PIWIL2: variants seen among roughly 807,000 people sequenced by gnomAD.
PIWIL2 encodes piwi-like protein 2.
A neutral mutation model predicts 116.5 loss-of-function variants in PIWIL2; 81 were observed. That is an observed-to-expected ratio of 0.70 (90% CI 0.58 to 0.84). PIWIL2 has a LOEUF of 0.84. Among genes scored for constraint, PIWIL2 ranks in the 40% least tolerant of loss-of-function variants. The probability of loss-of-function intolerance (pLI) is 0.00; values close to 1 mark genes in which losing one functional copy is unlikely to be tolerated. For synonymous variants in PIWIL2, 489 were observed against 429.5 expected, an observed-to-expected ratio of 1.14 and a Z score of -1.71; for missense variants, 1,272 against 1,212.3, an observed-to-expected ratio of 1.05 and a Z score of -0.73.
intron 10 of PIWIL2, among the ~76,000 whole-genome samples, chr8:22,294,644 CAAAAAAAAAAA>C (rs897494985): frequency 1.3e-4 from 4 of 29,904 alleles, no homozygotes; most frequent in South Asian, 2.5e-3. Context: ...GACTCTGTCT[CAAAAAAAAAAA>C]AAAAAAAAAA....
At chr8:22,344,065 G>T (rs1241153865) in intron 20 of PIWIL2, among the ~76,000 whole-genome samples, 1 of 152,220 alleles carries the variant, frequency 6.6e-6, no homozygotes, top group Non-Finnish European at 1.5e-5. Context: ...AAGCCATTAA[G>T]CCATGAAAAG....
At chr8:22,276,603 C>G (rs764134591) in intron 1 of PIWIL2, among the ~76,000 whole-genome samples, 1 of 152,122 alleles carries the variant, frequency 6.6e-6, no homozygotes, top group Non-Finnish European at 1.5e-5. Context: ...CGCGAGCCAC[C>G]ACCCCCGGCC....
Position 22,323,485 on chromosome 8 carries a change from T to C in PIWIL2, c.2403+5210T>C, listed in dbSNP as rs7825949. ...GACCTCGTGATCCACCCACTTCAGC[T>C]TCCCAAAGTGCTGGGATTATAGGCG... On this transcript the variant is annotated intron_variant, in intron 20 of 22. Coordinates refer to ENST00000356766, the MANE Select transcript of PIWIL2 (RefSeq NM_018068.5). 4.2e-4 allele frequency among the ~76,000 whole-genome samples: 64 copies of C among 152,154 alleles called. 1 individual carries two copies. The highest frequency in any genetic ancestry group is 1.5e-3 in the African/African-American group (64 of 41,532).
chr8:22,316,101 T>G, intron 18 of PIWIL2, 144 bp from the exon 19 acceptor site: 1 of 594,344 alleles, frequency 1.7e-6, no homozygotes, highest in Non-Finnish European at 3.0e-6. Context: ...TCAAGTTGAT[T>G]GTCTTTTTTT....
intron 20 of PIWIL2, among the ~76,000 whole-genome samples, chr8:22,338,650 T>G (rs183951256): frequency 9.9e-5 from 15 of 151,902 alleles, no homozygotes; most frequent in Non-Finnish European, 2.1e-4. Context: ...CAACATCACG[T>G]CACTGCACTC....
In PIWIL2 at chr8:22,355,406, A is replaced by T; in HGVS notation, c.2823A>T (p.Pro941=). Residue 941 remains proline (P), a synonymous_variant, in exon 23 of 23, where the codon CCA becomes CCT. Transcript: ENST00000356766. ...YWNWPGTIRV[P]APCKYAHKLA... ...ATTGGCCTGGCACCATCAGAGTTCC[A>T]GCTCCTTGCAAGTATGCCCACAAGC... 6.2e-7 allele frequency: 1 copy of T among 1,614,168 alleles called. No individual in the cohort carries two copies. Among genetic ancestry groups the T allele is most frequent in the Non-Finnish European group, 8.5e-7 (1 of 1,180,004 alleles).
chr8:22,321,297 G>A (rs765596587), intron 20 of PIWIL2, among the ~76,000 whole-genome samples: 2 of 151,786 alleles, frequency 1.3e-5, no homozygotes, highest in Non-Finnish European at 2.9e-5. Flanking sequence ...ATTTTTAGTA[G>A]AAATGAGGTG....
intron 20 of PIWIL2, among the ~76,000 whole-genome samples, chr8:22,320,842 C>G (rs1345152186): frequency 6.6e-6 from 1 of 152,194 alleles, no homozygotes; most frequent in African/African-American, 2.4e-5. Flanking sequence ...ATCCACCCCC[C>G]TCAGCCTCTC....
rs920062694 is a variant in PIWIL2, at chr8:22,355,976, G to A, written c.*471G>A. 1 of 157,530 alleles carries A rather than the reference G, an allele frequency of 6.3e-6. No homozygotes were observed. Among genetic ancestry groups the A allele is most frequent in the Non-Finnish European group, 1.4e-5 (1 of 71,052 alleles). 9.8% of individuals were successfully genotyped at this position (157,530 alleles called of 1,614,324 possible). On this transcript the variant is annotated 3_prime_UTR_variant, in exon 23 of 23. Transcript: ENST00000356766. ...TAGTCCCAGCTACTCAGGAGGCTAA[G>A]GCAGGAGAATCGCTTGAACCCGGGA...
intron 18 of PIWIL2, among the ~76,000 whole-genome samples, chr8:22,315,420 A>T (rs1401098309): frequency 2.0e-5 from 3 of 152,058 alleles, no homozygotes; most frequent in Admixed American, 6.6e-5. Flanking sequence ...AGGTTCAAGC[A>T]ATTCTCCTGC....
chr8:22,331,130 T>C lies in PIWIL2; in HGVS notation c.2403+12855T>C, dbSNP rs150647487. ...GGTGGAGGTTGCAGTGAGCCAAGAT[T>C]GTGCCAATGCAGTCCAGCCTAAGCT... On this transcript the variant is annotated intron_variant, in intron 20 of 22. Transcript: ENST00000356766. Among the ~76,000 whole-genome samples, 534 of 151,702 alleles carry C rather than the reference T, an allele frequency of 3.5e-3. 4 individuals carry two copies. Among genetic ancestry groups the C allele is most frequent in the African/African-American group, 0.012 (491 of 41,140 alleles).
chr8:22,306,109 C>T (rs1483693016), intron 13 of PIWIL2, 93 bp downstream of exon 13: 4 of 821,212 alleles, frequency 4.9e-6, no homozygotes, highest in Non-Finnish European at 8.4e-6. Flanking sequence ...CGTTCCAACT[C>T]TGATGTTGGC....
intron 10 of PIWIL2, among the ~76,000 whole-genome samples, chr8:22,295,614 A>G (rs1248014149): frequency 6.6e-6 from 1 of 152,080 alleles, no homozygotes; most frequent in East Asian, 1.9e-4. Flanking sequence ...GAGCATGTCC[A>G]TGTCTGTCAG....
intron 10 of PIWIL2, among the ~76,000 whole-genome samples, chr8:22,294,900 G>A (rs56241650): frequency 0.62 from 57,531 of 93,124 alleles, 16,599 homozygotes; most frequent in East Asian, 0.79. Context: ...ATCTTTACTG[G>A]AAAAAAAAAA....
In PIWIL2 at chr8:22,279,472, C is replaced by A. The variant is rs1236511634; in HGVS notation, c.86C>A (p.Pro29Gln). 1 of 1,614,142 alleles carries A rather than the reference C, an allele frequency of 6.2e-7. No individual in the cohort carries two copies. Among genetic ancestry groups the A allele is most frequent in the African/African-American group, 1.3e-5 (1 of 75,040 alleles). The stretch of plus-strand genomic sequence containing the variant: ...GCTGTACGGATGCCAGGCTGTTGGC[C>A]ACAAGCTTCTAAACCTTTGGACCCA... Reference protein sequence around the residue: ...CQAVRMPGCWPQASKPLDPAL... With the variant: ...CQAVRMPGCWQQASKPLDPAL... Residue 29 changes from proline to glutamine, a missense_variant, in exon 2 of 23, where the codon CCA becomes CAA. Physicochemically the swap from Pro to Gln is moderately conservative, Grantham distance 76 (BLOSUM62 -1). Coordinates refer to ENST00000356766, the MANE Select transcript of PIWIL2 (RefSeq NM_018068.5).
chr8:22,306,776 C>T (rs76105148), intron 13 of PIWIL2, among the ~76,000 whole-genome samples: 7,542 of 152,264 alleles, frequency 0.05, 293 homozygotes, highest in Admixed American at 0.086. Context: ...CTTCTACTTT[C>T]ACCTACCTTG....
At chr8:22,340,774 GC>G (rs994562341) in intron 20 of PIWIL2, among the ~76,000 whole-genome samples, 1 of 152,008 alleles carries the variant, frequency 6.6e-6, no homozygotes, top group African/African-American at 2.4e-5. Flanking sequence ...AGGCTGGAGT[GC>G]AGTGGCACGA....
intron 20 of PIWIL2, among the ~76,000 whole-genome samples, chr8:22,324,223 C>A (rs1284726973): frequency 1.3e-5 from 2 of 152,208 alleles, no homozygotes; most frequent in East Asian, 3.8e-4. Flanking sequence ...GATCACGCCA[C>A]TGCGCTCCAG....
At chr8:22,303,599 G>T (rs1234020839) in intron 10 of PIWIL2, among the ~76,000 whole-genome samples, 1 of 152,074 alleles carries the variant, frequency 6.6e-6, no homozygotes, top group Non-Finnish European at 1.5e-5. Context: ...TCGCCATGTT[G>T]CCCAGGCTGA....
Sources: allele counts gnomAD v4.1 joint callset (sites outside exome capture counted in the v4.1 genomes callset), GRCh38; gene constraint gnomAD v4.1.1; transcripts MANE v1.5; gene names NCBI Gene and HGNC (gene_info 2026-07-23, HGNC 2026-07-21).